SDHB: variants seen among roughly 807,000 people sequenced by gnomAD.
The protein encoded by SDHB is succinate dehydrogenase complex iron sulfur subunit B, also known as succinate dehydrogenase [ubiquinone] iron-sulfur subunit, mitochondrial.
Under a neutral mutation model 39.7 loss-of-function variants are expected in SDHB, and 21 were observed. That is an observed-to-expected ratio of 0.53 (90% confidence interval 0.37 to 0.76). SDHB has a LOEUF of 0.76. Ranked by LOEUF, SDHB falls within the 30% of genes least tolerant of loss-of-function variation. The pLI is 0.00. For missense variants in SDHB, 343 were observed against 350.9 expected, an observed-to-expected ratio of 0.98 and a Z score of 0.18; for synonymous variants, 118 against 117.0, an observed-to-expected ratio of 1.01 and a Z score of -0.06.
At chr1:17,019,388 T>G (rs1477532475) in intron 7 of SDHB, among the ~76,000 whole-genome samples, 2 of 152,198 alleles carry the variant, frequency 1.3e-5, no homozygotes, top group African/African-American at 4.8e-5. Context: ...CTCAAAAGTA[T>G]GTGGAAGAAA....
chr1:17,020,779 T>A (rs1317769367), intron 7 of SDHB, among the ~76,000 whole-genome samples: 1 of 152,190 alleles, frequency 6.6e-6, no homozygotes, highest in Non-Finnish European at 1.5e-5. Flanking sequence ...ACAGGCACAA[T>A]CATGGTAAAC....
At chr1:17,045,800 G>A (rs914628068) in intron 1 of SDHB, among the ~76,000 whole-genome samples, 5 of 152,068 alleles carry the variant, frequency 3.3e-5, no homozygotes, top group African/African-American at 7.2e-5. Context: ...GATTCGTCTC[G>A]GGCCAAGTCT....
chr1:17,024,099 G>C lies in SDHB; in HGVS notation c.541-25C>G, dbSNP rs778601133. The C allele has an allele frequency of 1.9e-6, 3 of 1,546,242 alleles. No homozygotes were observed. In the African/African-American group the frequency reaches 4.1e-5, roughly 21 times the overall value. On this transcript the variant is annotated intron_variant, in intron 5 of 7. Transcript: ENST00000375499. Reference sequence around the variant, plus strand: ...CCTGTATGGGGAGAAAAGAGAGGCAGGAGCTTGTGACGGGAGAGACTCTGC... The same window carrying C: ...CCTGTATGGGGAGAAAAGAGAGGCACGAGCTTGTGACGGGAGAGACTCTGC...
rs549318000 is a variant in SDHB at position 17,037,310 on chromosome 1, T to C, written c.201-4165A>G. Among the ~76,000 whole-genome samples, 810 of 152,084 alleles carry C rather than the reference T, an allele frequency of 5.3e-3. 10 individuals carry two copies. The highest frequency in any genetic ancestry group is 0.019 in the African/African-American group (779 of 41,460). On this transcript the variant is annotated intron_variant, in intron 2 of 7. Coordinates refer to ENST00000375499, the MANE Select transcript of SDHB (RefSeq NM_003000.3). The stretch of plus-strand genomic sequence containing the variant: ...CAATGTCTTATATTTTCTTTTCTTT[T>C]TTTTTTTTGAGACAGCGTCTCCCTC...
At chr1:17,041,176 T>C (rs1334072964) in intron 2 of SDHB, among the ~76,000 whole-genome samples, 1 of 152,128 alleles carries the variant, frequency 6.6e-6, no homozygotes, top group East Asian at 1.9e-4. Flanking sequence ...TAATTTCTAT[T>C]AATATTTTTA....
At chr1:17,046,540 C>A (rs893726667) in intron 1 of SDHB, among the ~76,000 whole-genome samples, 6 of 152,154 alleles carry the variant, frequency 3.9e-5, no homozygotes, top group African/African-American at 9.7e-5. Context: ...CCTTTTCCTA[C>A]CCTTAGCAAC....
At chr1:17,043,607 G>C (rs891714506) in intron 2 of SDHB, among the ~76,000 whole-genome samples, 1 of 152,192 alleles carries the variant, frequency 6.6e-6, no homozygotes, top group Non-Finnish European at 1.5e-5. Flanking sequence ...AGCAGCAGGA[G>C]GCTAGAGACT....
intron 1 of SDHB, among the ~76,000 whole-genome samples, chr1:17,048,659 T>C (rs1415298056): frequency 6.6e-6 from 1 of 152,126 alleles, no homozygotes; most frequent in Non-Finnish European, 1.5e-5. Flanking sequence ...TACTTCAAGT[T>C]TTTACTTCTA....
intron 1 of SDHB, among the ~76,000 whole-genome samples, chr1:17,053,086 T>C (rs546888740): frequency 3.3e-5 from 5 of 152,306 alleles, no homozygotes; most frequent in Admixed American, 1.3e-4. Context: ...AGAAAGGATT[T>C]GCAAATCCTT....
At chr1:17,038,592 T>C (rs1216501938) in intron 2 of SDHB, among the ~76,000 whole-genome samples, 1 of 152,246 alleles carries the variant, frequency 6.6e-6, no homozygotes, top group Non-Finnish European at 1.5e-5. Flanking sequence ...GAACCTTCAG[T>C]ACAATGTTGA....
chr1:17,029,093 GTT>G lies in SDHB; in HGVS notation c.287-359_287-358del, dbSNP rs746243819. Among the ~76,000 whole-genome samples, 67 of 72,024 alleles carry G rather than the reference GTT, an allele frequency of 9.3e-4. 1 individual carries two copies. The highest frequency in any genetic ancestry group is 1.7e-3 in the South Asian group (2 of 1,194). The allele number at this position is 72,024 out of a possible 152,430, so 47.3% of individuals were successfully genotyped here. ...ACGTGTTTTGAAGAAAAATCAGCCT[GTT>G]TTTTTTTTTTTTTTTTTTTTTTTTT... On this transcript the variant is annotated intron_variant, in intron 3 of 7. Transcript: ENST00000375499.
At chr1:17,048,811 A>G (rs935580877) in intron 1 of SDHB, among the ~76,000 whole-genome samples, 1 of 151,266 alleles carries the variant, frequency 6.6e-6, no homozygotes, top group South Asian at 2.1e-4. Context: ...CCCGACTTCA[A>G]GTGATTCTTC....
chr1:17,047,270 C>T (rs961433747), intron 1 of SDHB, among the ~76,000 whole-genome samples: 1 of 148,538 alleles, frequency 6.7e-6, no homozygotes, highest in African/African-American at 2.5e-5. Flanking sequence ...GCAGGAGAAT[C>T]GCTTGACCCT....
chr1:17,021,326 T>C (rs939334406), intron 7 of SDHB, among the ~76,000 whole-genome samples: 8 of 152,218 alleles, frequency 5.3e-5, no homozygotes, highest in South Asian at 2.1e-4. Context: ...TGTGTGCCTG[T>C]AGTCCCAGCT....
chr1:17,018,750 CATTT>C lies in SDHB; in HGVS notation c.*127_*130del. On this transcript the variant is annotated 3_prime_UTR_variant, in exon 8 of 8. Transcript: ENST00000375499. ...TTTTTTTGTTAATAAAGTAGAATAA[CATTT>C]ATTTCTTAAAATTTTTATTATACAT... The C allele has an allele frequency of 1.5e-6, 1 of 679,066 alleles. No homozygotes were observed. The highest frequency in any genetic ancestry group is 1.7e-5 in the South Asian group (1 of 60,112). 42.1% of individuals were successfully genotyped at this position (679,066 alleles called of 1,614,324 possible).
At chr1:17,023,822 A>G (rs2077976389) in intron 6 of SDHB, 151 bp downstream of exon 6, 1 of 700,918 alleles carries the variant, frequency 1.4e-6, no homozygotes, top group South Asian at 1.5e-5. Context: ...AAGCAAGTGA[A>G]TACAATGCAA....
chr1:17,042,890 T>C lies in SDHB; in HGVS notation c.200+1871A>G, dbSNP rs552100193. On this transcript the variant is annotated intron_variant, in intron 2 of 7. Coordinates refer to ENST00000375499, the MANE Select transcript of SDHB (RefSeq NM_003000.3). ...TCTGGCAATATTTTTTACGTGTTCC[T>C]GATCAAATAGTTAGAAGTGTACTTT... 7.2e-5 allele frequency among the ~76,000 whole-genome samples: 11 copies of C among 151,802 alleles called. 1 individual carries two copies. Among genetic ancestry groups the C allele is most frequent in the African/African-American group, 2.4e-4 (10 of 41,518 alleles).
At chr1:17,020,994 G>T (rs762000315) in intron 7 of SDHB, among the ~76,000 whole-genome samples, 2 of 152,080 alleles carry the variant, frequency 1.3e-5, no homozygotes, top group Non-Finnish European at 2.9e-5. Flanking sequence ...CCACCTTGCC[G>T]CCCACTGACT....
intron 3 of SDHB, among the ~76,000 whole-genome samples, chr1:17,031,723 G>A (rs930313164): frequency 2.6e-5 from 4 of 152,150 alleles, no homozygotes; most frequent in Non-Finnish European, 1.5e-5. Context: ...ATCAATACTG[G>A]CTTTTCCTTT....
Sources: allele counts gnomAD v4.1 joint callset (sites outside exome capture counted in the v4.1 genomes callset), GRCh38; gene constraint gnomAD v4.1.1; transcripts MANE v1.5; gene names NCBI Gene and HGNC (gene_info 2026-07-23, HGNC 2026-07-21).